DLG2: variants seen among roughly 807,000 people sequenced by gnomAD.
DLG2 encodes the protein discs large MAGUK scaffold protein 2.
DLG2 carries 45 observed loss-of-function variants against 132.5 expected under a neutral mutation model. The observed-to-expected ratio is 0.34, with a 90% CI of 0.27 to 0.44. DLG2 has a LOEUF of 0.44. DLG2 is among the 20% of genes least tolerant of loss of function. The probability of loss-of-function intolerance (pLI) is 1.00; values close to 1 mark genes in which losing one functional copy is unlikely to be tolerated. For synonymous variants in DLG2, 424 were observed against 419.6 expected (o/e 1.01, Z -0.13); for missense variants, 1,045 against 1,196.9 (o/e 0.87, Z 1.87).
chr11:85,179,551 A>G (rs1444612971), intron 4 of DLG2, among the ~76,000 whole-genome samples: 1 of 151,704 alleles, frequency 6.6e-6, no homozygotes. Context: ...ATGTATGCCA[A>G]AAAGATAACC....
At chr11:84,389,194 T>G (rs2098783074) in intron 7 of DLG2, among the ~76,000 whole-genome samples, 1 of 152,156 alleles carries the variant, frequency 6.6e-6, no homozygotes, top group Admixed American at 6.5e-5. Flanking sequence ...GGTATTTCAT[T>G]GTATTTATTA....
chr11:85,425,757 G>T (rs1179554077), intron 3 of DLG2, among the ~76,000 whole-genome samples: 1 of 152,186 alleles, frequency 6.6e-6, no homozygotes, highest in Admixed American at 6.5e-5. Flanking sequence ...GAGGTACCAG[G>T]TTCATCTCAC....
intron 6 of DLG2, among the ~76,000 whole-genome samples, chr11:85,024,382 G>A (rs1012407877): frequency 6.6e-6 from 1 of 152,238 alleles, no homozygotes; most frequent in Admixed American, 6.5e-5. Context: ...CACCAAAACT[G>A]TGTTTTTGTA....
At chr11:83,638,481 C>A (rs543574059) in intron 18 of DLG2, among the ~76,000 whole-genome samples, 1 of 152,132 alleles carries the variant, frequency 6.6e-6, no homozygotes, top group Non-Finnish European at 1.5e-5. Flanking sequence ...AAAAGATTGG[C>A]GCTTGGTAAT....
chr11:84,604,092 C>A (rs2099581341), intron 6 of DLG2, among the ~76,000 whole-genome samples: 1 of 151,806 alleles, frequency 6.6e-6, no homozygotes, highest in South Asian at 2.1e-4. Context: ...TACTATTAGT[C>A]CTACTTTACA....
intron 10 of DLG2, among the ~76,000 whole-genome samples, chr11:84,065,665 C>A (rs1224112585): frequency 6.6e-6 from 1 of 151,990 alleles, no homozygotes; most frequent in Non-Finnish European, 1.5e-5. Context: ...GGGGATTTCT[C>A]AAGAACTTAA....
chr11:83,959,850 C>A (rs964179157), intron 14 of DLG2, among the ~76,000 whole-genome samples: 6 of 151,868 alleles, frequency 4.0e-5, no homozygotes, highest in Admixed American at 2.0e-4. Context: ...CTGTAAAAAT[C>A]AAGAATAAGA....
intron 6 of DLG2, among the ~76,000 whole-genome samples, chr11:85,054,193 T>A (rs556899581): frequency 1.4e-3 from 205 of 150,102 alleles, no homozygotes; most frequent in Admixed American, 3.1e-3. Context: ...TAAACCCAGG[T>A]GGCAGAGATT....
chr11:85,065,164 T>A (rs957521152), intron 6 of DLG2, among the ~76,000 whole-genome samples: 1 of 151,414 alleles, frequency 6.6e-6, no homozygotes, highest in Non-Finnish European at 1.5e-5. Context: ...TATTAGTATG[T>A]CCTCTACTGT....
At chr11:85,099,943 A>G (rs1219055807) in intron 6 of DLG2, among the ~76,000 whole-genome samples, 10 of 152,188 alleles carry the variant, frequency 6.6e-5, no homozygotes, top group Admixed American at 6.5e-4. Context: ...CTCCTTCATC[A>G]CCAAAGGCTA....
At chr11:84,332,604 A>G in intron 7 of DLG2, among the ~76,000 whole-genome samples, 1 of 142,870 alleles carries the variant, frequency 7.0e-6, no homozygotes, top group Non-Finnish European at 1.5e-5. Context: ...CCGGCATCCC[A>G]AAGTGCTGGG....
At chr11:84,730,912 C>A (rs1565808023) in intron 6 of DLG2, among the ~76,000 whole-genome samples, 1 of 152,020 alleles carries the variant, frequency 6.6e-6, no homozygotes, top group Non-Finnish European at 1.5e-5. Flanking sequence ...CTATGTATCA[C>A]AGATTTAAGA....
At chr11:83,850,311 T>C (rs1054186735) in intron 16 of DLG2, among the ~76,000 whole-genome samples, 1 of 151,930 alleles carries the variant, frequency 6.6e-6, no homozygotes, top group African/African-American at 2.4e-5. Flanking sequence ...GTGCCACCAC[T>C]CCCGGCTAAT....
chr11:84,349,093 T>A (rs771062164), intron 7 of DLG2, among the ~76,000 whole-genome samples: 5 of 152,202 alleles, frequency 3.3e-5, no homozygotes, highest in Non-Finnish European at 5.9e-5. Context: ...AGTTTTTCAA[T>A]TAGATTACCT....
At chr11:85,234,522 C>G (rs2075475726) in intron 4 of DLG2, among the ~76,000 whole-genome samples, 1 of 151,968 alleles carries the variant, frequency 6.6e-6, no homozygotes, top group Non-Finnish European at 1.5e-5. Flanking sequence ...TGCACCTGAT[C>G]AACAGAAAGT....
At chr11:84,854,694 T>C (rs2082553959) in intron 6 of DLG2, among the ~76,000 whole-genome samples, 1 of 152,142 alleles carries the variant, frequency 6.6e-6, no homozygotes, top group Non-Finnish European at 1.5e-5. Context: ...CCTGTTTCCA[T>C]GTCTGTCCCT....
chr11:85,508,402 C>A (rs567399032), intron 3 of DLG2, among the ~76,000 whole-genome samples: 1 of 152,068 alleles, frequency 6.6e-6, no homozygotes, highest in Non-Finnish European at 1.5e-5. Flanking sequence ...AACCCTATAC[C>A]TCTCTCAAGT....
intron 10 of DLG2, among the ~76,000 whole-genome samples, chr11:84,084,525 G>T (rs1039900256): frequency 1.3e-5 from 2 of 152,238 alleles, no homozygotes; most frequent in Admixed American, 6.5e-5. Context: ...TTCTGAAAAT[G>T]TCTGGGTGGG....
chr11:85,612,519 G>A (rs961741088), intron 2 of DLG2, among the ~76,000 whole-genome samples: 2 of 152,222 alleles, frequency 1.3e-5, no homozygotes, highest in African/African-American at 4.8e-5. Flanking sequence ...AGTACTTACA[G>A]AATCAGGAAG....
Sources: allele counts gnomAD v4.1 joint callset (sites outside exome capture counted in the v4.1 genomes callset), GRCh38; gene constraint gnomAD v4.1.1; transcripts MANE v1.5; gene names NCBI Gene and HGNC (gene_info 2026-07-23, HGNC 2026-07-21).